Variants in AJAP1 observed in about 807,000 individuals in gnomAD.
AJAP1 encodes adherens junctions associated protein 1.
AJAP1 carries 5 observed loss-of-function variants against 35.0 expected under a neutral mutation model. The observed-to-expected ratio is 0.14, with a 90% CI of 0.07 to 0.30. AJAP1 has a LOEUF of 0.30. AJAP1 is among the 10% of genes least tolerant of loss of function. The pLI is 1.00. For missense variants in AJAP1, 586 were observed against 571.0 expected (o/e 1.03, Z -0.27); for synonymous variants, 284 against 249.3 (o/e 1.14, Z -1.31).
chr1:4,663,804 T>C (rs760497602), intron 1 of AJAP1, among the ~76,000 whole-genome samples: 2 of 152,150 alleles, frequency 1.3e-5, no homozygotes, highest in Non-Finnish European at 2.9e-5. Flanking sequence ...TCTGAGTTCT[T>C]CTGGGGATTT....
At chr1:4,730,595 G>A (rs906718800) in intron 2 of AJAP1, among the ~76,000 whole-genome samples, 4 of 152,206 alleles carry the variant, frequency 2.6e-5, no homozygotes, top group African/African-American at 9.6e-5. Flanking sequence ...CCTCTGCGGG[G>A]CTGCCCCTCT....
intron 1 of AJAP1, among the ~76,000 whole-genome samples, chr1:4,657,477 TG>T (rs1027189141): frequency 1.3e-5 from 2 of 152,188 alleles, no homozygotes; most frequent in Non-Finnish European, 2.9e-5. Flanking sequence ...AATGGGCACC[TG>T]GGGACTCTGA....
chr1:4,781,885 C>T (rs909343023), intron 5 of AJAP1, among the ~76,000 whole-genome samples: 8 of 152,186 alleles, frequency 5.3e-5, no homozygotes, highest in Non-Finnish European at 1.0e-4. Flanking sequence ...GGAGCCGCCC[C>T]GTCTCAGCCT....
intron 1 of AJAP1, among the ~76,000 whole-genome samples, chr1:4,702,514 C>T (rs903467649): frequency 6.6e-6 from 1 of 152,238 alleles, no homozygotes; most frequent in African/African-American, 2.4e-5. Flanking sequence ...TGGAACCCTT[C>T]GTGAAGGTTC....
At position 4,786,498 on chromosome 1, in the gene AJAP1, A is replaced by G. The variant is rs910000691; in HGVS notation, c.*4013A>G. ...AAAAATACGTGACTCTTTCACAGCCATATTTTAGCGTCAGGAAAAGCCATG... is the reference window on the plus strand; with the variant it reads ...AAAAATACGTGACTCTTTCACAGCCGTATTTTAGCGTCAGGAAAAGCCATG... On this transcript the variant is annotated 3_prime_UTR_variant, in exon 6 of 6. Transcript: ENST00000378191. The G allele has an allele frequency of 6.6e-6, 1 of 152,176 alleles. No individual in the cohort carries two copies. Among genetic ancestry groups the G allele is most frequent in the Non-Finnish European group, 1.5e-5 (1 of 68,042 alleles). The allele number at this position is 152,176 out of a possible 1,614,324, so 9.4% of individuals were successfully genotyped here. A position where few individuals can be genotyped will look rare whatever the true frequency, so the allele number is the denominator to read the frequency against.
chr1:4,736,857 G>A (rs184186787), intron 2 of AJAP1, among the ~76,000 whole-genome samples: 1 of 152,168 alleles, frequency 6.6e-6, no homozygotes, highest in Non-Finnish European at 1.5e-5. Flanking sequence ...TGGAAAGAGG[G>A]CTTCTACATG....
At chr1:4,687,345 A>T (rs1639628197) in intron 1 of AJAP1, among the ~76,000 whole-genome samples, 1 of 152,174 alleles carries the variant, frequency 6.6e-6, no homozygotes, top group Non-Finnish European at 1.5e-5. Context: ...TTTGGAGATA[A>T]CGTTCCCTTA....
In AJAP1 at chr1:4,772,284, G is replaced by A. The variant is rs1641851759; in HGVS notation, c.922G>A (p.Ala308Thr). 3 of 1,614,042 alleles carry A rather than the reference G, an allele frequency of 1.9e-6. No homozygotes were observed. Among genetic ancestry groups the A allele is most frequent in the East Asian group, 2.2e-5 (1 of 44,846 alleles). ...ITTLVLKNCCAQSGNTRRNSH... is the reference protein window; with the variant it reads ...ITTLVLKNCCTQSGNTRRNSH... ...CCCAAACTCTTTCTCTTCCAGCTGT[G>A]CCCAAAGCGGGAACACTCGTCGGAA... is the stretch of plus-strand genomic sequence containing the variant. Residue 308 changes from alanine to threonine, a missense_variant, in exon 4 of 6, where the codon GCC becomes ACC. Transcript: ENST00000378191.
chr1:4,688,457 A>G (rs1454193228), intron 1 of AJAP1, among the ~76,000 whole-genome samples: 1 of 152,158 alleles, frequency 6.6e-6, no homozygotes. Context: ...ATTAACCTGA[A>G]AATAGACTTC....
chr1:4,756,944 A>G (rs1317145791), intron 2 of AJAP1, among the ~76,000 whole-genome samples: 2 of 152,076 alleles, frequency 1.3e-5, no homozygotes, highest in African/African-American at 4.8e-5. Flanking sequence ...CCCTAGCCTC[A>G]TCTCTGTCAT....
chr1:4,676,223 C>T (rs1460712365), intron 1 of AJAP1, among the ~76,000 whole-genome samples: 3 of 152,176 alleles, frequency 2.0e-5, no homozygotes, highest in South Asian at 2.1e-4. Context: ...CACGCTCCTC[C>T]GATTTCCTCA....
chr1:4,685,637 G>T (rs1016511895), intron 1 of AJAP1, among the ~76,000 whole-genome samples: 21 of 121,784 alleles, frequency 1.7e-4, no homozygotes, highest in Non-Finnish European at 3.2e-4. Context: ...GCTCATTGCC[G>T]GGACCCAAGA....
At chr1:4,713,322 C>T (rs1284798893) in intron 2 of AJAP1, among the ~76,000 whole-genome samples, 1 of 152,192 alleles carries the variant, frequency 6.6e-6, no homozygotes, top group Non-Finnish European at 1.5e-5. Flanking sequence ...CCTTTCGGCT[C>T]CCTGGGGATG....
Position 4,734,184 on chromosome 1 carries a change from G to A in AJAP1, c.829+21485G>A, listed in dbSNP as rs1640866279. On this transcript the variant is annotated intron_variant, in intron 2 of 5. Transcript: ENST00000378191. The surrounding 1 kb of genome is among the most constrained non-coding windows in gnomAD (Gnocchi z 4.3). ...TGCACTTGTTCTGTGTGGAGGAAGAGAGGCACCCGCTCAGATGCTCCTTCT... is the reference window on the plus strand; with the variant it reads ...TGCACTTGTTCTGTGTGGAGGAAGAAAGGCACCCGCTCAGATGCTCCTTCT... 1.3e-5 allele frequency among the ~76,000 whole-genome samples: 2 copies of A among 152,216 alleles called. No individual in the cohort carries two copies. Among genetic ancestry groups the A allele is most frequent in the African/African-American group, 2.4e-5 (1 of 41,466 alleles).
intron 2 of AJAP1, among the ~76,000 whole-genome samples, chr1:4,752,861 T>TAGG (rs1242027693): frequency 2.0e-5 from 3 of 152,212 alleles, no homozygotes; most frequent in Non-Finnish European, 2.9e-5. Context: ...CTGGGTCCTC[T>TAGG]AGGGAAAAGG....
intron 1 of AJAP1, among the ~76,000 whole-genome samples, chr1:4,661,371 C>T (rs1387840721): frequency 6.6e-6 from 1 of 152,188 alleles, no homozygotes; most frequent in African/African-American, 2.4e-5. Flanking sequence ...TCTGCATTGT[C>T]CCACTCCACC....
intron 2 of AJAP1, among the ~76,000 whole-genome samples, chr1:4,750,808 A>C (rs1182110939): frequency 6.6e-6 from 1 of 150,388 alleles, no homozygotes; most frequent in Admixed American, 6.6e-5. Context: ...CCTTCTGAGA[A>C]GAAGGAGGAG....
At position 4,656,522 on chromosome 1, in the gene AJAP1, G is replaced by C. The variant is rs994626134; in HGVS notation, c.29+1068G>C. On this transcript the variant is annotated intron_variant, in intron 1 of 5. Coordinates refer to ENST00000378191, the MANE Select transcript of AJAP1 (RefSeq NM_018836.4). This position sits in a 1 kb window ranked among gnomAD's most constrained non-coding sequence, Gnocchi z 5.7. The stretch of plus-strand genomic sequence containing the variant: ...AAAGGCCAGTAGTTGTTAGCCCGCT[G>C]CTTGAGCCGCCCCCACTCAGGGATG... Among the ~76,000 whole-genome samples, 2 of 152,188 alleles carry C rather than the reference G, an allele frequency of 1.3e-5. No homozygotes were observed. The highest frequency in any genetic ancestry group is 1.3e-4 in the Admixed American group (2 of 15,286).
rs986729772 is a variant in AJAP1 at position 4,739,428 on chromosome 1, G to A, written c.829+26729G>A. On this transcript the variant is annotated intron_variant, in intron 2 of 5. Coordinates refer to ENST00000378191, the MANE Select transcript of AJAP1 (RefSeq NM_018836.4). ...CTGTTGGCAATGCATTTGGAATGCAGTCCACCCCCTACCCTCGTGTTAACT... is the reference window on the plus strand; with the variant it reads ...CTGTTGGCAATGCATTTGGAATGCAATCCACCCCCTACCCTCGTGTTAACT... Among the ~76,000 whole-genome samples, 4 of 152,228 alleles carry A rather than the reference G, an allele frequency of 2.6e-5. No homozygotes were observed. The East Asian group carries it at 7.7e-4, about 29-fold the overall frequency.
Sources: gnomAD v4.1 joint callset for allele counts (sites outside exome capture counted in the v4.1 genomes callset) on GRCh38, gnomAD v4.1.1 for gene constraint, Gnocchi (gnomAD v3.1) non-coding constraint, MANE v1.5 for transcripts, NCBI Gene and HGNC (gene_info 2026-07-23, HGNC 2026-07-21) for gene names.